MMP28: variants seen among roughly 807,000 people sequenced by gnomAD.
MMP28 encodes matrix metalloproteinase-28.
Under a neutral mutation model 60.5 loss-of-function variants are expected in MMP28, and 55 were observed. The ratio of observed to expected loss-of-function variants is 0.91; its 90% confidence interval spans 0.73 to 1.14. The LOEUF is 1.14. MMP28 is among the 50% of genes most tolerant of loss of function. MMP28 has a pLI of 0.00. For missense variants in MMP28, 686 were observed against 738.3 expected, an observed-to-expected ratio of 0.93 and a Z score of 0.82; for synonymous variants, 318 against 312.5, an observed-to-expected ratio of 1.02 and a Z score of -0.18.
intron 1 of MMP28, among the ~76,000 whole-genome samples, chr17:35,792,026 C>T (rs1042738619): frequency 7.2e-5 from 11 of 151,986 alleles, no homozygotes; most frequent in Non-Finnish European, 1.2e-4. Flanking sequence ...TCTAGTTCCC[C>T]GCACTGCAGT....
chr17:35,768,307 G>A lies in MMP28; in HGVS notation c.923C>T (p.Ser308Phe). The A allele has an allele frequency of 2.5e-6, 4 of 1,613,486 alleles. No homozygotes were observed. Among genetic ancestry groups the A allele is most frequent in the Non-Finnish European group, 3.4e-6 (4 of 1,179,634 alleles). ...AGGGCGCCTTCCTTGGGGGCTGTAG[G>A]AGTCCCAGGTCTCAAAGTCAGTGAA... ...KLFTDFETWD[S>F]YSPQGRRPET... The change falls in exon 6 of 8, where the codon TCC becomes TTC. Residue 308 changes from serine (S) to phenylalanine (F), a missense_variant. By Grantham distance (155) the Ser-to-Phe change is radical. Coordinates refer to ENST00000605424, the MANE Select transcript of MMP28 (RefSeq NM_024302.5).
At chr17:35,775,716 C>T (rs1228241757) in intron 3 of MMP28, among the ~76,000 whole-genome samples, 2 of 152,182 alleles carry the variant, frequency 1.3e-5, no homozygotes, top group African/African-American at 2.4e-5. Flanking sequence ...AGCTGCTGGG[C>T]GTGTAGTGCA....
chr17:35,772,083 T>G (rs944790720), intron 4 of MMP28, among the ~76,000 whole-genome samples: 61 of 152,018 alleles, frequency 4.0e-4, no homozygotes, highest in African/African-American at 1.4e-3. Flanking sequence ...TAAAAGGAGA[T>G]CCTCCTGGGG....
intron 1 of MMP28, among the ~76,000 whole-genome samples, chr17:35,779,768 T>C (rs1415411266): frequency 6.6e-6 from 1 of 152,090 alleles, no homozygotes; most frequent in Non-Finnish European, 1.5e-5. Context: ...CTTACAGGGG[T>C]TTTTTTGTGT....
At chr17:35,782,760 G>A (rs1555609648) in intron 1 of MMP28, among the ~76,000 whole-genome samples, 1 of 152,178 alleles carries the variant, frequency 6.6e-6, no homozygotes, top group Non-Finnish European at 1.5e-5. Flanking sequence ...ATAGCCACCA[G>A]GTTTGGGAAT....
intron 6 of MMP28, 126 bp from the exon 7 acceptor site, chr17:35,768,045 G>C (rs547125388): frequency 1.2e-5 from 16 of 1,311,240 alleles, no homozygotes; most frequent in Non-Finnish European, 1.7e-5. Flanking sequence ...TACAGTTGGC[G>C]CAGAGGGGAA....
chr17:35,761,165 G>A (rs920141791), downstream of MMP28, among the ~76,000 whole-genome samples: 5 of 148,270 alleles, frequency 3.4e-5, no homozygotes, highest in African/African-American at 1.0e-4. Flanking sequence ...GTGCAGTGGC[G>A]AGATCTCAGC....
At chr17:35,786,221 TA>T (rs1555610463) in intron 1 of MMP28, among the ~76,000 whole-genome samples, 1 of 151,970 alleles carries the variant, frequency 6.6e-6, no homozygotes. Flanking sequence ...TACGCCTGGG[TA>T]ATTTTTTGTA....
downstream of MMP28, chr17:35,764,809 C>T (rs1468606822): frequency 1.0e-5 from 6 of 596,994 alleles, no homozygotes; most frequent in Non-Finnish European, 1.6e-5. Flanking sequence ...TGTCACCTAG[C>T]GCCCCCAGTG....
At chr17:35,778,767 T>A in intron 3 of MMP28, 121 bp downstream of exon 3, 1 of 1,573,902 alleles carries the variant, frequency 6.4e-7, no homozygotes, top group Non-Finnish European at 8.6e-7. Flanking sequence ...CACCCACTCC[T>A]CCCGTGCCCT....
chr17:35,786,622 A>G (rs2086655028), intron 1 of MMP28, among the ~76,000 whole-genome samples: 1 of 149,232 alleles, frequency 6.7e-6, no homozygotes, highest in Non-Finnish European at 1.5e-5. Context: ...CAATCCTAGC[A>G]CTTTGGAAGG....
Position 35,770,308 on chromosome 17 carries a change from GC to G in MMP28, c.608del (p.Gly203AlafsTer24). Reference protein sequence around the residue: ...GLGNAFDGPGGALAHAFLPRR... With the variant: ...GLGNAFDGPGXALAHAFLPRR... Reference sequence around the variant, plus strand: ...GGGGCAGGAAGGCGTGCGCCAGGGCGCCCCCTGCAGGTGGGGCAGAAGGTCA... The same window carrying G: ...GGGGCAGGAAGGCGTGCGCCAGGGCGCCCCTGCAGGTGGGGCAGAAGGTCA... On this transcript the variant is annotated frameshift_variant, in exon 5 of 8. Transcript: ENST00000605424. LOFTEE classifies it high-confidence loss of function. 1.3e-6 allele frequency: 2 copies of G among 1,511,134 alleles called. No homozygotes were observed. 93.6% of individuals were successfully genotyped at this position (1,511,134 alleles called of 1,614,324 possible).
intron 1 of MMP28, among the ~76,000 whole-genome samples, chr17:35,785,717 G>A (rs1555610311): frequency 6.6e-6 from 1 of 152,110 alleles, no homozygotes; most frequent in African/African-American, 2.4e-5. Flanking sequence ...AAAGTGCTGG[G>A]ATTACAGGCT....
At chr17:35,767,240 A>G (rs549708927) in intron 7 of MMP28, among the ~76,000 whole-genome samples, 1 of 152,310 alleles carries the variant, frequency 6.6e-6, no homozygotes, top group South Asian at 2.1e-4. Flanking sequence ...AACCACGTCT[A>G]GTGCATACAA....
chr17:35,768,998 A>T, intron 5 of MMP28, among the ~76,000 whole-genome samples: 1 of 152,214 alleles, frequency 6.6e-6, no homozygotes, highest in East Asian at 1.9e-4. Flanking sequence ...CACAGGTGTC[A>T]TGAGGGCAGA....
rs56405134 is a variant in MMP28 at position 35,790,060 on chromosome 17, C to CTTTT, written c.111+5203_111+5206dup. ...TACAAGCATGAGCCACCGCACCTGG[C>CTTTT]TTTTTTTTTTTTTTTTTTTTTTTTG... is the stretch of plus-strand genomic sequence containing the variant. On this transcript the variant is annotated intron_variant, in intron 1 of 7. Transcript: ENST00000605424. 1.4e-3 allele frequency among the ~76,000 whole-genome samples: 97 copies of CTTTT among 66,940 alleles called. 3 individuals carry two copies. Among genetic ancestry groups the CTTTT allele is most frequent in the Non-Finnish European group, 1.9e-3 (67 of 36,098 alleles). The allele number at this position is 66,940 out of a possible 152,430, so 43.9% of individuals were successfully genotyped here.
At chr17:35,772,365 A>G (rs913971411) in intron 4 of MMP28, among the ~76,000 whole-genome samples, 1 of 152,236 alleles carries the variant, frequency 6.6e-6, no homozygotes, top group Non-Finnish European at 1.5e-5. Context: ...TCAGTTACAA[A>G]TAAGTGCATG....
At position 35,766,569 on chromosome 17, in the gene MMP28, C is replaced by T. The variant is rs780620658; in HGVS notation, c.1494G>A (p.Ser498=). 9.3e-6 allele frequency: 15 copies of T among 1,611,432 alleles called. No individual in the cohort carries two copies. Among genetic ancestry groups the T allele is most frequent in the Non-Finnish European group, 1.1e-5 (13 of 1,179,512 alleles). The change falls in exon 8 of 8, where the codon TCG becomes TCA. Residue 498 remains serine (S), a synonymous_variant. Coordinates refer to ENST00000605424, the MANE Select transcript of MMP28 (RefSeq NM_024302.5). The surrounding 1 kb of genome is among the most constrained non-coding windows in gnomAD (Gnocchi z 4.3). Reference sequence around the variant, plus strand: ...AGGGCAGCTCGGTGGCCCAGCGGCCCGAGGTGGTTGCCTGCAGTTTGGCCT... The same window carrying T: ...AGGGCAGCTCGGTGGCCCAGCGGCCTGAGGTGGTTGCCTGCAGTTTGGCCT... ...LDQAKLQATT[S]GRWATELPWM...
chr17:35,777,048 C>T (rs1264310794), intron 3 of MMP28, among the ~76,000 whole-genome samples: 1 of 152,226 alleles, frequency 6.6e-6, no homozygotes, highest in Non-Finnish European at 1.5e-5. Context: ...GTTTCTGGGG[C>T]TGCCCCACTT....
Sources: allele counts gnomAD v4.1 joint callset (sites outside exome capture counted in the v4.1 genomes callset), GRCh38; gene constraint gnomAD v4.1.1; non-coding constraint Gnocchi (gnomAD v3.1); transcripts MANE v1.5; gene names NCBI Gene and HGNC (gene_info 2026-07-23, HGNC 2026-07-21).